Variants in USH2A observed in about 807,000 individuals in gnomAD.
The protein encoded by USH2A is usherin, also known as Usher syndrome 2A (autosomal recessive, mild).
In USH2A, 443 loss-of-function variants were observed where a neutral mutation model predicts 538.9. The observed-to-expected ratio is 0.82, with a 90% CI of 0.76 to 0.89. USH2A has a LOEUF of 0.89. Ranked by LOEUF, USH2A falls within the 40% of genes least tolerant of loss-of-function variation. The pLI is 0.00. For missense variants in USH2A, 6,633 were observed against 6,324.8 expected (o/e 1.05, Z -1.65); for synonymous variants, 2,413 against 2,273.5 (o/e 1.06, Z -1.75).
intron 71 of USH2A, 64 bp from the exon 72 acceptor site, chr1:215,625,934 A>ATAGT: frequency 1.4e-6 from 2 of 1,470,202 alleles, no homozygotes; most frequent in Non-Finnish European, 1.9e-6. Flanking sequence ...CTATCAATTT[A>ATAGT]TAGTTATATC....
Position 215,786,767 on chromosome 1 carries a change from C to A in USH2A, c.10290G>T (p.Gly3430=), listed in dbSNP as rs769604907. Residue 3430 remains glycine (G), a synonymous_variant, in exon 52 of 72, where the codon GGG becomes GGT. Transcript: ENST00000307340. ...FTSHICTVIR[G]SHNSTGKASI... ...ATGCCTTCCCTGTGGAATTGTGAGA[C>A]CCTCTTATCACAGTGCAAATGTGGC... is the stretch of plus-strand genomic sequence containing the variant. The A allele has an allele frequency of 4.3e-6, 7 of 1,614,006 alleles. No homozygotes were observed. Among genetic ancestry groups the A allele is most frequent in the African/African-American group, 1.3e-5 (1 of 75,034 alleles).
intron 13 of USH2A, among the ~76,000 whole-genome samples, chr1:216,237,088 C>T (rs188174176): frequency 6.6e-6 from 1 of 152,222 alleles, no homozygotes; most frequent in Non-Finnish European, 1.5e-5. Context: ...CAAATGCATG[C>T]TCTAAAGCCT....
chr1:216,330,433 G>C (rs61828100), intron 4 of USH2A, among the ~76,000 whole-genome samples: 1 of 152,000 alleles, frequency 6.6e-6, no homozygotes, highest in African/African-American at 2.4e-5. Flanking sequence ...ATTGACAGGG[G>C]AATGGGAATG....
chr1:215,819,826 C>A (rs1475463005), intron 47 of USH2A, among the ~76,000 whole-genome samples: 1 of 151,606 alleles, frequency 6.6e-6, no homozygotes, highest in Non-Finnish European at 1.5e-5. Context: ...ATCAAGTACA[C>A]GAAGGAAAAT....
chr1:215,936,790 A>G (rs1390607925), intron 37 of USH2A, among the ~76,000 whole-genome samples: 1 of 152,068 alleles, frequency 6.6e-6, no homozygotes, highest in Non-Finnish European at 1.5e-5. Flanking sequence ...TTCAATGAAT[A>G]AAGCAGCACT....
chr1:215,890,277 G>A (rs924435977), intron 40 of USH2A, among the ~76,000 whole-genome samples: 1 of 152,184 alleles, frequency 6.6e-6, no homozygotes, highest in Admixed American at 6.6e-5. Flanking sequence ...CTTGGATTTA[G>A]TAATTGTTTA....
At chr1:216,111,575 A>C (rs1483384450) in intron 21 of USH2A, among the ~76,000 whole-genome samples, 1 of 152,072 alleles carries the variant, frequency 6.6e-6, no homozygotes, top group Non-Finnish European at 1.5e-5. Flanking sequence ...CAGTTTAAAA[A>C]AACTATCAGA....
chr1:215,659,861 GTCAGGACTTGAGT>G (rs1376524863), intron 64 of USH2A, among the ~76,000 whole-genome samples: 2 of 152,166 alleles, frequency 1.3e-5, no homozygotes, highest in East Asian at 3.9e-4. Context: ...GGGTCAGAAA[GTCAGGACTTGAGT>G]TCTGACTCTG....
At chr1:215,640,242 A>G (rs1305298526) in intron 68 of USH2A, among the ~76,000 whole-genome samples, 1 of 152,162 alleles carries the variant, frequency 6.6e-6, no homozygotes. Context: ...TAGGGTAGTC[A>G]TTGACTATGT....
intron 47 of USH2A, among the ~76,000 whole-genome samples, chr1:215,833,254 T>C (rs1160898453): frequency 6.6e-6 from 1 of 151,944 alleles, no homozygotes; most frequent in Non-Finnish European, 1.5e-5. Flanking sequence ...AAATGATTTT[T>C]ATAAAGGTCA....
intron 41 of USH2A, among the ~76,000 whole-genome samples, chr1:215,887,634 ACT>A (rs1252355070): frequency 6.6e-6 from 1 of 152,222 alleles, no homozygotes; most frequent in Middle Eastern, 3.2e-3. Flanking sequence ...AACAATTTAC[ACT>A]GTTTAGCATC....
chr1:216,057,199 T>C (rs1046752326), intron 30 of USH2A, among the ~76,000 whole-genome samples: 1 of 152,202 alleles, frequency 6.6e-6, no homozygotes, highest in Non-Finnish European at 1.5e-5. Flanking sequence ...TCAGGCACAT[T>C]ATGTATTCAG....
chr1:216,168,169 A>C (rs2034206754), intron 21 of USH2A, among the ~76,000 whole-genome samples: 1 of 152,202 alleles, frequency 6.6e-6, no homozygotes, highest in Non-Finnish European at 1.5e-5. Context: ...CTGACCAATT[A>C]TGATTCTTTT....
At chr1:215,718,599 G>T (rs1241740198) in intron 61 of USH2A, among the ~76,000 whole-genome samples, 1 of 152,150 alleles carries the variant, frequency 6.6e-6, no homozygotes, top group Non-Finnish European at 1.5e-5. Flanking sequence ...CTGTTACAGT[G>T]GTCACTTGTC....
At chr1:216,414,555 G>A (rs1400688044) in intron 3 of USH2A, among the ~76,000 whole-genome samples, 2 of 151,728 alleles carry the variant, frequency 1.3e-5, no homozygotes, top group African/African-American at 4.8e-5. Flanking sequence ...TGATTTTACT[G>A]ATGGAAAGCT....
At chr1:216,369,939 A>T (rs1411099232) in intron 3 of USH2A, among the ~76,000 whole-genome samples, 1 of 136,616 alleles carries the variant, frequency 7.3e-6, no homozygotes. Flanking sequence ...AAAAAAAAAA[A>T]AAGTATGTCA....
At chr1:216,269,893 C>G (rs1457403856) in intron 11 of USH2A, among the ~76,000 whole-genome samples, 2 of 152,032 alleles carry the variant, frequency 1.3e-5, no homozygotes, top group East Asian at 3.9e-4. Context: ...AGAGTAAGAT[C>G]CTGCAATAAT....
At chr1:216,263,110 A>G (rs1442839207) in intron 11 of USH2A, among the ~76,000 whole-genome samples, 1 of 152,170 alleles carries the variant, frequency 6.6e-6, no homozygotes, top group Non-Finnish European at 1.5e-5. Flanking sequence ...AACACTCACA[A>G]GTAATGAGAT....
intron 32 of USH2A, among the ~76,000 whole-genome samples, chr1:216,020,660 G>C: frequency 6.6e-6 from 1 of 152,110 alleles, no homozygotes; most frequent in Non-Finnish European, 1.5e-5. Flanking sequence ...ACCAAACCTT[G>C]ATTAGAAGCT....
Sources: allele counts gnomAD v4.1 joint callset (sites outside exome capture counted in the v4.1 genomes callset), GRCh38; gene constraint gnomAD v4.1.1; transcripts MANE v1.5; gene names NCBI Gene and HGNC (gene_info 2026-07-23, HGNC 2026-07-21).